POFUT2: variants seen among roughly 807,000 people sequenced by gnomAD.
POFUT2 encodes protein O-fucosyltransferase 2, also known as GDP-fucose protein O-fucosyltransferase 2.
Under a neutral mutation model 55.0 loss-of-function variants are expected in POFUT2, and 30 were observed. That is an observed-to-expected ratio of 0.55 (90% CI 0.41 to 0.74). The LOEUF (loss-of-function observed/expected upper bound fraction) is 0.74, where lower values mean the gene tolerates loss of function less well. Among genes scored for constraint, POFUT2 ranks in the 30% least tolerant of loss-of-function variants. The probability of loss-of-function intolerance (pLI) is 0.00; values close to 1 mark genes in which losing one functional copy is unlikely to be tolerated. For missense variants in POFUT2, 524 were observed against 562.6 expected, an observed-to-expected ratio of 0.93 and a Z score of 0.69; for synonymous variants, 267 against 231.1, an observed-to-expected ratio of 1.16 and a Z score of -1.41.
At chr21:45,283,348 G>GGGGGGGGC in intron 3 of POFUT2, 35 bp downstream of exon 3, 1 of 1,144,148 alleles carries the variant, frequency 8.7e-7, no homozygotes, top group Non-Finnish European at 1.1e-6. Context: ...AGGTGGGGGG[G>GGGGGGGGC]CACCTGCGGC....
At chr21:45,275,382 G>A (rs1466259786) in intron 6 of POFUT2, among the ~76,000 whole-genome samples, 1 of 152,194 alleles carries the variant, frequency 6.6e-6, no homozygotes, top group South Asian at 2.1e-4. Context: ...AGAGCTAAAA[G>A]TAGAACTACC....
chr21:45,280,321 A>T lies in POFUT2; in HGVS notation c.638+2028T>A, dbSNP rs553645603. On this transcript the variant is annotated intron_variant, in intron 4 of 8. Transcript: ENST00000349485. ...TTTTTTTACTGGGCATTATATCTTG[A>T]TTTCTCTTTGTTGAACACGGCAGCA... Among the ~76,000 whole-genome samples the T allele has an allele frequency of 1.1e-3, 167 of 151,876 alleles. 2 individuals are homozygous for T. The highest frequency in any genetic ancestry group is 1.5e-3 in the Non-Finnish European group (100 of 67,966).
rs2093157001 is a variant in POFUT2, at chr21:45,266,581, C to T, written c.1137-946G>A. ...CACACCTGAGAAGCAGGGGTGAGTT[C>T]GTAACTGGGCTCCTGCACACCTCCG... On this transcript the variant is annotated intron_variant, in intron 8 of 8. Transcript: ENST00000349485. 9 of 1,054,022 alleles carry T rather than the reference C, an allele frequency of 8.5e-6. No individual in the cohort carries two copies. In the South Asian group the frequency reaches 1.2e-4, roughly 14 times the overall value. The allele number at this position is 1,054,022 out of a possible 1,614,324, so 65.3% of individuals were successfully genotyped here.
At position 45,270,761 on chromosome 21, in the gene POFUT2, C is replaced by T. The variant is rs188701881; in HGVS notation, c.832-742G>A. On this transcript the variant is annotated intron_variant, in intron 6 of 8. Transcript: ENST00000349485. The surrounding 1 kb of genome is among the most constrained non-coding windows in gnomAD (Gnocchi z 4.6). ...ACATTCCCCAGCAGCATCCCAGGGC[C>T]TGGTAGCCCCACTGGGTGGCTAGAC... 1.1e-4 allele frequency among the ~76,000 whole-genome samples: 16 copies of T among 152,344 alleles called. No individual in the cohort carries two copies. The East Asian group carries it at 1.5e-3, about 15-fold the overall frequency.
At position 45,271,415 on chromosome 21, in the gene POFUT2, A is replaced by T. The variant is rs547933214; in HGVS notation, c.832-1396T>A. Among the ~76,000 whole-genome samples, 5 of 152,316 alleles carry T rather than the reference A, an allele frequency of 3.3e-5. No homozygotes were observed. In the South Asian group the frequency reaches 6.2e-4, roughly 19 times the overall value. On this transcript the variant is annotated intron_variant, in intron 6 of 8. Coordinates refer to ENST00000349485, the MANE Select transcript of POFUT2 (RefSeq NM_133635.6). ...ATTTGGAATTATGTTAAACAACCAA[A>T]CCTAAGGATAATTGGTGTTCCTGAG...
chr21:45,286,018 G>A (rs1307840805), intron 1 of POFUT2, 90 bp from the exon 2 acceptor site: 9 of 1,152,918 alleles, frequency 7.8e-6, no homozygotes, highest in African/African-American at 4.6e-5. Flanking sequence ...CGCGTGGCCC[G>A]ACTCTAGGCA....
At chr21:45,266,908 T>C in intron 8 of POFUT2, 1 of 1,015,504 alleles carries the variant, frequency 9.8e-7, no homozygotes, top group Non-Finnish European at 1.2e-6. Flanking sequence ...CCAGCCTTCA[T>C]CTCCTATGCA....
rs1196530444 is a variant in POFUT2, at chr21:45,264,091, C to T, written c.*1391G>A. 3 of 152,264 alleles carry T rather than the reference C, an allele frequency of 2.0e-5. No individual in the cohort carries two copies. Among genetic ancestry groups the T allele is most frequent in the African/African-American group, 7.2e-5 (3 of 41,456 alleles). 9.4% of individuals were successfully genotyped at this position (152,264 alleles called of 1,614,324 possible). The stretch of plus-strand genomic sequence containing the variant: ...TAAATATGTCATCATTTACCCTGCA[C>T]AGCTTTGAGTAACACCATAGGACCC... On this transcript the variant is annotated 3_prime_UTR_variant, in exon 9 of 9. Transcript: ENST00000349485.
rs1250987463 is a variant in POFUT2 at position 45,282,186 on chromosome 21, C to T, written c.638+163G>A. 1.3e-5 allele frequency among the ~76,000 whole-genome samples: 2 copies of T among 152,178 alleles called. No homozygotes were observed. The highest frequency in any genetic ancestry group is 2.9e-5 in the Non-Finnish European group (2 of 68,014). ...CTGGGCTGTTTCGCAGAGACACATG[C>T]AAGCACTTCCCTAACCACCACCCCC... On this transcript the variant is annotated intron_variant, in intron 4 of 8. Transcript: ENST00000349485. The surrounding 1 kb of genome is among the most constrained non-coding windows in gnomAD (Gnocchi z 4.6).
At chr21:45,280,700 C>T in intron 4 of POFUT2, among the ~76,000 whole-genome samples, 1 of 147,446 alleles carries the variant, frequency 6.8e-6, no homozygotes, top group Non-Finnish European at 1.5e-5. Context: ...TGAGTTTCGT[C>T]TCAATTGCAC....
Position 45,267,369 on chromosome 21 carries a change from A to G in POFUT2, c.1136+221T>C. 3 of 1,573,922 alleles carry G rather than the reference A, an allele frequency of 1.9e-6. No individual in the cohort carries two copies. The highest frequency in any genetic ancestry group is 2.6e-6 in the Non-Finnish European group (3 of 1,159,280). On this transcript the variant is annotated intron_variant, in intron 8 of 8. Transcript: ENST00000349485. This position sits in a 1 kb window ranked among gnomAD's most constrained non-coding sequence, Gnocchi z 4.4. ...TATGCCAACAGCCTGCTATGGAGGA[A>G]TTCTGTGCATGAGAACTAAAGGGGC...
In POFUT2 at chr21:45,267,325, G is replaced by C; in HGVS notation, c.1136+265C>G. ...ATGGGAAAATGCGACACAAGAAGAG[G>C]TTCTGAGACGAGGCCAGCTATGCCA... On this transcript the variant is annotated intron_variant, in intron 8 of 8. Coordinates refer to ENST00000349485, the MANE Select transcript of POFUT2 (RefSeq NM_133635.6). The surrounding 1 kb of genome is among the most constrained non-coding windows in gnomAD (Gnocchi z 4.4). The C allele has an allele frequency of 6.7e-7, 1 of 1,501,372 alleles. No homozygotes were observed. The highest frequency in any genetic ancestry group is 8.8e-7 in the Non-Finnish European group (1 of 1,130,040). 93.0% of individuals were successfully genotyped at this position (1,501,372 alleles called of 1,614,324 possible).
At position 45,287,787 on chromosome 21, in the gene POFUT2, C is replaced by G. The variant is rs778594805; in HGVS notation, c.85G>C (p.Gly29Arg). 1.3e-6 allele frequency: 2 copies of G among 1,491,038 alleles called. No individual in the cohort carries two copies. The highest frequency in any genetic ancestry group is 1.2e-5 in the South Asian group (1 of 80,244). The allele number at this position is 1,491,038 out of a possible 1,614,324, so 92.4% of individuals were successfully genotyped here. A position where few individuals can be genotyped will look rare whatever the true frequency, so the allele number is the denominator to read the frequency against. Residue 29 changes from glycine to arginine, a missense_variant, in exon 1 of 9, where the codon GGA becomes CGA. Physicochemically the swap from Gly to Arg is moderately radical, Grantham distance 125 (BLOSUM62 -2). Coordinates refer to ENST00000349485, the MANE Select transcript of POFUT2 (RefSeq NM_133635.6). Reference protein sequence around the residue: ...ASASGQEFWPGQSAADILSGA... With the variant: ...ASASGQEFWPRQSAADILSGA... Reference sequence around the variant, plus strand: ...GACAGAATATCGGCCGCCGATTGTCCGGGCCAGAACTCCTGGCCGGAGGCA... The same window carrying G: ...GACAGAATATCGGCCGCCGATTGTCGGGGCCAGAACTCCTGGCCGGAGGCA...
rs1017794221 is a variant in POFUT2 at position 45,285,985 on chromosome 21, A to C, written c.132-57T>G. On this transcript the variant is annotated intron_variant, in intron 1 of 8. Transcript: ENST00000349485. This position sits in a 1 kb window ranked among gnomAD's most constrained non-coding sequence, Gnocchi z 4.9. ...AAATGCTGAGGTTTCTGCACGGAAA[A>C]CCCGACTGCTCACAAGTCTCAGCGC... 4.0e-6 allele frequency: 6 copies of C among 1,508,552 alleles called. No homozygotes were observed. Among genetic ancestry groups the C allele is most frequent in the Admixed American group, 1.9e-5 (1 of 52,920 alleles). 93.4% of individuals were successfully genotyped at this position (1,508,552 alleles called of 1,614,324 possible). A position where few individuals can be genotyped will look rare whatever the true frequency, so the allele number is the denominator to read the frequency against.
At position 45,284,967 on chromosome 21, in the gene POFUT2, C is replaced by T. The variant is rs999044367; in HGVS notation, c.382+711G>A. Among the ~76,000 whole-genome samples the T allele has an allele frequency of 1.3e-5, 2 of 152,162 alleles. No individual in the cohort carries two copies. Among genetic ancestry groups the T allele is most frequent in the African/African-American group, 4.8e-5 (2 of 41,422 alleles). On this transcript the variant is annotated intron_variant, in intron 2 of 8. Coordinates refer to ENST00000349485, the MANE Select transcript of POFUT2 (RefSeq NM_133635.6). This position sits in a 1 kb window ranked among gnomAD's most constrained non-coding sequence, Gnocchi z 5.8. Reference sequence around the variant, plus strand: ...ACAAGATCTAGGGTGCAACGAGAACCACATCCTTGAAAAATGATGACACGG... The same window carrying T: ...ACAAGATCTAGGGTGCAACGAGAACTACATCCTTGAAAAATGATGACACGG...
rs1198437224 is a variant in POFUT2 at position 45,270,595 on chromosome 21, G to C, written c.832-576C>G. ...TCACTGCAGCATAACCAGCATTCGAGAAAGCCAGTGCACTCAACAAAACTA... is the reference window on the plus strand; with the variant it reads ...TCACTGCAGCATAACCAGCATTCGACAAAGCCAGTGCACTCAACAAAACTA... On this transcript the variant is annotated intron_variant, in intron 6 of 8. Transcript: ENST00000349485. This position sits in a 1 kb window ranked among gnomAD's most constrained non-coding sequence, Gnocchi z 4.6. Among the ~76,000 whole-genome samples, 1 of 152,238 alleles carries C rather than the reference G, an allele frequency of 6.6e-6. No homozygotes were observed. Among genetic ancestry groups the C allele is most frequent in the African/African-American group, 2.4e-5 (1 of 41,454 alleles).
chr21:45,272,062 A>C (rs1039794085), intron 6 of POFUT2, among the ~76,000 whole-genome samples: 4 of 152,188 alleles, frequency 2.6e-5, no homozygotes, highest in African/African-American at 9.7e-5. Flanking sequence ...CCTCAATACC[A>C]AAGTTGAATG....
At chr21:45,268,766 G>T (rs1166146555) in intron 7 of POFUT2, among the ~76,000 whole-genome samples, 1 of 151,380 alleles carries the variant, frequency 6.6e-6, no homozygotes, top group Admixed American at 6.6e-5. Context: ...CATCTGGGAA[G>T]TGAGGAGCGT....
rs1260843263 is a variant in POFUT2, at chr21:45,277,621, C to T, written c.706-479G>A. 1 of 221,432 alleles carries T rather than the reference C, an allele frequency of 4.5e-6. No homozygotes were observed. Among genetic ancestry groups the T allele is most frequent in the African/African-American group, 2.3e-5 (1 of 43,374 alleles). 13.7% of individuals were successfully genotyped at this position (221,432 alleles called of 1,614,324 possible). Reference sequence around the variant, plus strand: ...CTGCCCTGGTGAACACGTCAGCAGGCCTGCTGTGTCCACGGGAGGGGGCAG... The same window carrying T: ...CTGCCCTGGTGAACACGTCAGCAGGTCTGCTGTGTCCACGGGAGGGGGCAG... On this transcript the variant is annotated intron_variant, in intron 5 of 8. Transcript: ENST00000349485. The surrounding 1 kb of genome is among the most constrained non-coding windows in gnomAD (Gnocchi z 6.9).
Sources: allele counts gnomAD v4.1 joint callset (sites outside exome capture counted in the v4.1 genomes callset), GRCh38; gene constraint gnomAD v4.1.1; non-coding constraint Gnocchi (gnomAD v3.1); transcripts MANE v1.5; gene names NCBI Gene and HGNC (gene_info 2026-07-23, HGNC 2026-07-21).